MAN2A1: variants seen among roughly 807,000 people sequenced by gnomAD.
The protein encoded by MAN2A1 is mannosidase alpha class 2A member 1, also known as alpha-mannosidase 2.
In MAN2A1, 76 loss-of-function variants were observed where a neutral mutation model predicts 142.6. The observed-to-expected ratio is 0.53, with a 90% CI of 0.44 to 0.65. The LOEUF (loss-of-function observed/expected upper bound fraction) is 0.65. MAN2A1 is among the 30% of genes least tolerant of loss of function. MAN2A1 has a pLI of 0.00. For missense variants in MAN2A1, 1,311 were observed against 1,365.1 expected (o/e 0.96, Z 0.62); for synonymous variants, 559 against 473.2 (o/e 1.18, Z -2.35).
chr5:109,822,487 G>A (rs748333598), intron 15 of MAN2A1, among the ~76,000 whole-genome samples: 43 of 151,850 alleles, frequency 2.8e-4, no homozygotes, highest in Admixed American at 5.2e-4. Context: ...AGGGAAAGAG[G>A]CAGTCTAGTG....
At chr5:109,819,112 T>C (rs1490001741) in intron 13 of MAN2A1, among the ~76,000 whole-genome samples, 1 of 152,200 alleles carries the variant, frequency 6.6e-6, no homozygotes, top group Non-Finnish European at 1.5e-5. Context: ...ATTTTTCGCT[T>C]TCAGTATAGT....
At chr5:109,800,272 G>A (rs571115283) in intron 12 of MAN2A1, among the ~76,000 whole-genome samples, 8 of 152,266 alleles carry the variant, frequency 5.3e-5, no homozygotes, top group African/African-American at 1.4e-4. Flanking sequence ...TTGAAGCTAG[G>A]TAGTGTTCTC....
intron 1 of MAN2A1, 25 bp downstream of exon 1, chr5:109,690,577 G>T: frequency 6.4e-7 from 1 of 1,565,448 alleles, no homozygotes. Context: ...AGGGGGCGCG[G>T]GGCTCCGAGG....
At chr5:109,803,224 T>C (rs1425860071) in intron 12 of MAN2A1, among the ~76,000 whole-genome samples, 1 of 152,118 alleles carries the variant, frequency 6.6e-6, no homozygotes, top group Non-Finnish European at 1.5e-5. Flanking sequence ...ATTAAACAGA[T>C]AGATTGCATT....
At chr5:109,799,356 A>C (rs182951283) in intron 12 of MAN2A1, among the ~76,000 whole-genome samples, 4 of 152,250 alleles carry the variant, frequency 2.6e-5, no homozygotes, top group Non-Finnish European at 4.4e-5. Flanking sequence ...CCAGCCCCAC[A>C]ATGACTCTAT....
intron 1 of MAN2A1, chr5:109,699,510 A>G (rs936101300): frequency 6.6e-6 from 1 of 152,248 alleles, no homozygotes; most frequent in Non-Finnish European, 1.5e-5. Flanking sequence ...GATGTAATGC[A>G]TATGTTAATT....
chr5:109,746,780 G>T (rs190694372), intron 4 of MAN2A1, among the ~76,000 whole-genome samples: 1 of 152,092 alleles, frequency 6.6e-6, no homozygotes, highest in East Asian at 1.9e-4. Flanking sequence ...CGTTCCTCTT[G>T]CTCCTGGCAA....
rs533835905 is a variant in MAN2A1, at chr5:109,744,663, G to A, written c.708-10666G>A. Among the ~76,000 whole-genome samples, 38 of 152,228 alleles carry A rather than the reference G, an allele frequency of 2.5e-4. No individual in the cohort carries two copies. In the South Asian group the frequency reaches 7.3e-3, roughly 29 times the overall value. On this transcript the variant is annotated intron_variant, in intron 4 of 21. Coordinates refer to ENST00000261483, the MANE Select transcript of MAN2A1 (RefSeq NM_002372.4). ...TAGCAACAGAAACTCATATGTTGCG[G>A]GTGGGAATGCAAAATGGGGGCGACT...
rs372442350 is a variant in MAN2A1 at position 109,864,335 on chromosome 5, T to C, written c.3172-701T>C. 3 of 152,308 alleles carry C rather than the reference T, an allele frequency of 2.0e-5. No homozygotes were observed. The East Asian group carries it at 5.8e-4, about 29-fold the overall frequency. 9.4% of individuals were successfully genotyped at this position (152,308 alleles called of 1,614,324 possible). A position where few individuals can be genotyped will look rare whatever the true frequency, so the allele number is the denominator to read the frequency against. On this transcript the variant is annotated intron_variant, in intron 20 of 21. Transcript: ENST00000261483. The stretch of plus-strand genomic sequence containing the variant: ...ACCATTCATGACATTGATACTTAAA[T>C]GGATATGAGAAATTTTATTGCAAGA...
chr5:109,858,452 C>G (rs1474599873), intron 20 of MAN2A1, among the ~76,000 whole-genome samples: 1 of 152,018 alleles, frequency 6.6e-6, no homozygotes, highest in East Asian at 1.9e-4. Context: ...AAAAAAAGAC[C>G]AAAATGACTC....
At chr5:109,765,430 G>T (rs1488174451) in intron 5 of MAN2A1, among the ~76,000 whole-genome samples, 1 of 152,066 alleles carries the variant, frequency 6.6e-6, no homozygotes, top group Non-Finnish European at 1.5e-5. Context: ...GTAATGTGAT[G>T]TCCCATTGTC....
At chr5:109,760,911 G>T (rs1042288914) in intron 5 of MAN2A1, among the ~76,000 whole-genome samples, 1 of 151,610 alleles carries the variant, frequency 6.6e-6, no homozygotes, top group Non-Finnish European at 1.5e-5. Context: ...AAGGGTTGTT[G>T]CCTTTTTTAA....
intron 1 of MAN2A1, among the ~76,000 whole-genome samples, chr5:109,698,562 A>G (rs1272321554): frequency 6.6e-6 from 1 of 152,194 alleles, no homozygotes; most frequent in Non-Finnish European, 1.5e-5. Flanking sequence ...TTGCATTTAA[A>G]AATGTATGCA....
intron 2 of MAN2A1, among the ~76,000 whole-genome samples, chr5:109,714,274 C>G (rs1582815739): frequency 6.6e-6 from 1 of 151,622 alleles, no homozygotes; most frequent in African/African-American, 2.4e-5. Flanking sequence ...CGTGTGGCTA[C>G]TGAGCACTTG....
At chr5:109,729,632 T>A in intron 4 of MAN2A1, 119 bp downstream of exon 4, 1 of 551,628 alleles carries the variant, frequency 1.8e-6, no homozygotes. Flanking sequence ...TTAAAATATT[T>A]CTTCACATAC....
intron 4 of MAN2A1, among the ~76,000 whole-genome samples, chr5:109,735,689 A>G (rs188124376): frequency 6.6e-6 from 1 of 152,260 alleles, no homozygotes; most frequent in East Asian, 1.9e-4. Flanking sequence ...CTCCCTGCAC[A>G]TTATTCTTAA....
intron 4 of MAN2A1, among the ~76,000 whole-genome samples, chr5:109,736,911 A>G (rs1001658847): frequency 1.3e-5 from 2 of 151,950 alleles, no homozygotes; most frequent in African/African-American, 4.8e-5. Flanking sequence ...TTATGTTTTT[A>G]TATGCTATTT....
intron 16 of MAN2A1, among the ~76,000 whole-genome samples, chr5:109,830,214 C>A (rs564207020): frequency 6.6e-6 from 1 of 152,002 alleles, no homozygotes; most frequent in African/African-American, 2.4e-5. Context: ...TTTTGAAGAC[C>A]CCTCTTATAA....
chr5:109,727,087 GATAAA>G (rs1364470994), intron 3 of MAN2A1, among the ~76,000 whole-genome samples: 4 of 152,160 alleles, frequency 2.6e-5, no homozygotes, highest in African/African-American at 9.7e-5. Context: ...GTTGATATTT[GATAAA>G]ATAAATTCTT....
Sources: gnomAD v4.1 joint callset for allele counts (sites outside exome capture counted in the v4.1 genomes callset) on GRCh38, gnomAD v4.1.1 for gene constraint, MANE v1.5 for transcripts, NCBI Gene and HGNC (gene_info 2026-07-23, HGNC 2026-07-21) for gene names.